HEATR4: variants seen among roughly 807,000 people sequenced by gnomAD.
HEATR4 encodes the protein HEAT repeat-containing protein 4.
HEATR4 carries 95 observed loss-of-function variants against 108.8 expected under a neutral mutation model. The observed-to-expected ratio is 0.87, with a 90% CI of 0.74 to 1.04. The LOEUF (loss-of-function observed/expected upper bound fraction) is 1.04, where lower values mean the gene tolerates loss of function less well. Ranked by LOEUF, HEATR4 falls within the 50% of genes least tolerant of loss-of-function variation. The pLI is 0.00. For synonymous variants in HEATR4, 443 were observed against 459.4 expected (o/e 0.96, Z 0.46); for missense variants, 1,152 against 1,253.8 (o/e 0.92, Z 1.23).
chr14:73,523,832 C>T (rs1285682359), intron 2 of HEATR4, among the ~76,000 whole-genome samples: 1 of 152,162 alleles, frequency 6.6e-6, no homozygotes, highest in Non-Finnish European at 1.5e-5. Context: ...TTATAAATTC[C>T]TCCTGGTCTG....
the HEATR4 span, among the ~76,000 whole-genome samples, chr14:73,578,518 C>T: frequency 7.9e-5 from 12 of 152,142 alleles, no homozygotes; most frequent in East Asian, 1.3e-3. Flanking sequence ...CATGAGCAAC[C>T]GGGCCCAGCC....
chr14:73,591,195 T>C, the HEATR4 span, among the ~76,000 whole-genome samples: 1 of 152,000 alleles, frequency 6.6e-6, no homozygotes, highest in Non-Finnish European at 1.5e-5. Flanking sequence ...TGCAGTGACC[T>C]GTGATCGAGC....
chr14:73,612,345 T>C, the HEATR4 span, among the ~76,000 whole-genome samples: 2 of 152,168 alleles, frequency 1.3e-5, no homozygotes, highest in African/African-American at 4.8e-5. Context: ...CCCGGCCGGA[T>C]TGGTCATTAA....
chr14:73,628,001 G>A, the HEATR4 span, among the ~76,000 whole-genome samples: 1 of 152,196 alleles, frequency 6.6e-6, no homozygotes, highest in South Asian at 2.1e-4. Context: ...TAGAGACGGA[G>A]TCTTGCTATG....
At position 73,549,114 on chromosome 14, in the gene HEATR4, G is replaced by A. The variant is rs1267936150; in HGVS notation, c.-152+9637C>T. 5.2e-5 allele frequency among the ~76,000 whole-genome samples: 6 copies of A among 114,754 alleles called. 1 individual carries two copies. The highest frequency in any genetic ancestry group is 1.1e-4 in the Non-Finnish European group (6 of 52,530). 75.3% of individuals were successfully genotyped at this position (114,754 alleles called of 152,430 possible). ...CACCAGCAGATCTGGTGTCTGCTGA[G>A]GGCCTGTTCCTCATAGATAGCACCA... On this transcript the variant is annotated intron_variant, in intron 1 of 17. Coordinates refer to ENST00000553558, the MANE Select transcript of HEATR4 (RefSeq NM_001220484.1).
chr14:73,629,730 T>A, the HEATR4 span, among the ~76,000 whole-genome samples: 2 of 151,790 alleles, frequency 1.3e-5, no homozygotes, highest in Non-Finnish European at 2.9e-5. Flanking sequence ...CTGCAAGCTC[T>A]GCCTCCCGGG....
chr14:73,620,060 C>T, the HEATR4 span, among the ~76,000 whole-genome samples: 1 of 151,980 alleles, frequency 6.6e-6, no homozygotes, highest in Admixed American at 6.6e-5. Flanking sequence ...TACAGGTGCA[C>T]ACCACGGCAC....
chr14:73,492,289 G>A lies in HEATR4; in HGVS notation c.2844+777C>T, dbSNP rs890515773. The A allele has an allele frequency of 6.2e-6, 10 of 1,613,926 alleles. No individual in the cohort carries two copies. The African/African-American group carries it at 8.0e-5, about 13-fold the overall frequency. ...TGCACCTCACCTTGTCCACGTACCA[G>A]CGCAATACCTGGGGTGACTTCTTAG... On this transcript the variant is annotated intron_variant, in intron 17 of 17. Transcript: ENST00000553558. The surrounding 1 kb of genome is among the most constrained non-coding windows in gnomAD (Gnocchi z 4.9).
chr14:73,530,065 C>T (rs1206108612), intron 2 of HEATR4, 101 bp downstream of exon 2: 8 of 135,282 alleles, frequency 5.9e-5, no homozygotes, highest in African/African-American at 2.1e-4. Flanking sequence ...CAGGCTCAAG[C>T]AATCCTCCTG....
At chr14:73,557,069 G>T (rs1400143631) in intron 1 of HEATR4, among the ~76,000 whole-genome samples, 1 of 113,388 alleles carries the variant, frequency 8.8e-6, no homozygotes, top group African/African-American at 2.9e-5. Context: ...TGGCAGGTCC[G>T]GGGTCCTTTT....
intron 17 of HEATR4, among the ~76,000 whole-genome samples, chr14:73,479,439 C>CTTTCT (rs777249301): frequency 3.7e-5 from 4 of 107,642 alleles, no homozygotes; most frequent in African/African-American, 1.1e-4. Context: ...TTCTTTCTTT[C>CTTTCT]TTTTTTTTTT....
chr14:73,559,120 AGT>A (rs1595164356), upstream of HEATR4, among the ~76,000 whole-genome samples: 2 of 152,050 alleles, frequency 1.3e-5, no homozygotes, highest in East Asian at 3.9e-4. Flanking sequence ...ATTGAATGGT[AGT>A]TTCATGGAGT....
In HEATR4 at chr14:73,522,609, C is replaced by G. The variant is rs201601813; in HGVS notation, c.544G>C (p.Asp182His). ...PDMLGRPPSL[D>H]VNLEEREAWL... ...GCTTCTCTTTCCTCCAGGTTCACAT[C>G]TAGAGAAGGTGGCCGACCCAGCATA... The change falls in exon 3 of 18, where the codon GAT (aspartate) becomes CAT (histidine). Residue 182 changes from aspartate (D) to histidine (H), a missense_variant. By Grantham distance (81) the Asp-to-His change is moderately conservative. Coordinates refer to ENST00000553558, the MANE Select transcript of HEATR4 (RefSeq NM_001220484.1). 3.7e-6 allele frequency: 6 copies of G among 1,614,248 alleles called. No homozygotes were observed. The highest frequency in any genetic ancestry group is 5.1e-6 in the Non-Finnish European group (6 of 1,180,048).
the HEATR4 span, among the ~76,000 whole-genome samples, chr14:73,625,149 C>T: frequency 6.6e-6 from 1 of 151,616 alleles, no homozygotes; most frequent in Non-Finnish European, 1.5e-5. Context: ...ACCTCCGCCT[C>T]CTGGATTCAA....
At chr14:73,484,927 G>A (rs1181648527) in intron 17 of HEATR4, among the ~76,000 whole-genome samples, 1 of 151,782 alleles carries the variant, frequency 6.6e-6, no homozygotes, top group East Asian at 1.9e-4. Flanking sequence ...ACTTTGGAAG[G>A]CTGAGGCAGG....
chr14:73,491,683 A>C, intron 17 of HEATR4: 1 of 1,549,802 alleles, frequency 6.5e-7, no homozygotes, highest in Non-Finnish European at 8.7e-7. Flanking sequence ...ACCGGCGCCT[A>C]TGGGAGCGCG....
chr14:73,524,310 A>AAAAAAAAAAAAAATATATATATATATAT, intron 2 of HEATR4, among the ~76,000 whole-genome samples: 1 of 54,788 alleles, frequency 1.8e-5, no homozygotes, highest in Non-Finnish European at 3.1e-5. Context: ...AAAAAAAAAA[A>AAAAAAAAAAAAAATATATATATATATAT]ATATATATAT....
the HEATR4 span, among the ~76,000 whole-genome samples, chr14:73,624,426 GC>G: frequency 6.6e-6 from 1 of 151,822 alleles, no homozygotes; most frequent in Admixed American, 6.6e-5. Context: ...AACGCGCCCC[GC>G]CCAAAAAAAT....
At chr14:73,569,642 C>T in the HEATR4 span, 2 of 1,603,670 alleles carry the variant, frequency 1.2e-6, no homozygotes, top group South Asian at 1.1e-5. Flanking sequence ...GCGGCAGCTT[C>T]GCGGGGCTTG....
Sources: gnomAD v4.1 joint callset for allele counts (sites outside exome capture counted in the v4.1 genomes callset) on GRCh38, gnomAD v4.1.1 for gene constraint, Gnocchi (gnomAD v3.1) non-coding constraint, MANE v1.5 for transcripts, NCBI Gene and HGNC (gene_info 2026-07-23, HGNC 2026-07-21) for gene names.